Variants in TBCD observed in about 807,000 individuals in gnomAD.
TBCD encodes tubulin-specific chaperone D.
TBCD carries 105 observed loss-of-function variants against 169.3 expected under a neutral mutation model. The ratio of observed to expected loss-of-function variants is 0.62; its 90% CI spans 0.53 to 0.73. The LOEUF is 0.73. TBCD is among the 30% of genes least tolerant of loss of function. The pLI is 0.00. For synonymous variants in TBCD, 700 were observed against 643.9 expected (o/e 1.09, Z -1.32); for missense variants, 1,444 against 1,600.1 (o/e 0.90, Z 1.66).
rs1446474934 is a variant in TBCD, at chr17:82,785,907, A to AG, written c.771+4191dup. Among the ~76,000 whole-genome samples the AG allele has an allele frequency of 4.2e-5, 6 of 141,588 alleles. No homozygotes were observed. The East Asian group carries it at 1.1e-3, about 26-fold the overall frequency. 92.9% of individuals were successfully genotyped at this position (141,588 alleles called of 152,430 possible). A position where few individuals can be genotyped will look rare whatever the true frequency, so the allele number is the denominator to read the frequency against. ...ACTGGACCCGACCCATCGCAGTGGG[A>AG]GGGGGTCCATGCTGTGACTGGGACC... On this transcript the variant is annotated intron_variant, in intron 7 of 38. Coordinates refer to ENST00000355528, the MANE Select transcript of TBCD (RefSeq NM_005993.5).
chr17:82,932,153 A>G (rs939459824), intron 33 of TBCD: 5 of 216,766 alleles, frequency 2.3e-5, no homozygotes, highest in Admixed American at 1.1e-4. Flanking sequence ...TGTCTAAGAC[A>G]GCTTGCCTAA....
chr17:82,839,558 C>T (rs535433804), intron 13 of TBCD, among the ~76,000 whole-genome samples: 1 of 152,150 alleles, frequency 6.6e-6, no homozygotes, highest in Non-Finnish European at 1.5e-5. Context: ...TGTACATACA[C>T]CACACATATA....
chr17:82,908,069 C>G (rs996523325), intron 21 of TBCD, among the ~76,000 whole-genome samples: 1 of 152,240 alleles, frequency 6.6e-6, no homozygotes, highest in Admixed American at 6.5e-5. Flanking sequence ...TGAGTGCAGA[C>G]TTTCTGTGCA....
chr17:82,797,257 C>A (rs1463449536), intron 7 of TBCD, among the ~76,000 whole-genome samples: 3 of 152,104 alleles, frequency 2.0e-5, no homozygotes. Context: ...TCGTGGGGAC[C>A]GGGCTGCCAG....
chr17:82,825,987 T>C (rs77142886), intron 13 of TBCD, among the ~76,000 whole-genome samples: 2,951 of 152,340 alleles, frequency 0.019, 40 homozygotes, highest in South Asian at 0.067. Flanking sequence ...CATAGGCAAG[T>C]TTTTCTCTCA....
intron 7 of TBCD, among the ~76,000 whole-genome samples, chr17:82,793,433 T>C (rs2049887221): frequency 6.6e-6 from 1 of 152,182 alleles, no homozygotes; most frequent in South Asian, 2.1e-4. Flanking sequence ...TCCCTCGCTT[T>C]GATTTTTGCA....
chr17:82,875,389 A>G (rs971606998), intron 14 of TBCD, among the ~76,000 whole-genome samples: 1 of 152,246 alleles, frequency 6.6e-6, no homozygotes, highest in Non-Finnish European at 1.5e-5. Context: ...CCTCCTAACC[A>G]GTAATCACAG....
intron 22 of TBCD, among the ~76,000 whole-genome samples, chr17:82,911,034 C>T (rs963937489): frequency 7.2e-5 from 11 of 152,188 alleles, no homozygotes; most frequent in Non-Finnish European, 1.2e-4. Flanking sequence ...GTCAGCAGGG[C>T]GGGTGGCCCT....
At chr17:82,807,341 C>T (rs2051045566) in intron 10 of TBCD, among the ~76,000 whole-genome samples, 1 of 152,190 alleles carries the variant, frequency 6.6e-6, no homozygotes, top group Non-Finnish European at 1.5e-5. Flanking sequence ...TGTTGGCCTT[C>T]CCCTGGGGGC....
intron 13 of TBCD, among the ~76,000 whole-genome samples, chr17:82,850,758 A>G (rs1043699455): frequency 6.6e-6 from 1 of 152,198 alleles, no homozygotes; most frequent in Admixed American, 6.5e-5. Context: ...CCATCCCTGC[A>G]TTGAATTCGT....
intron 13 of TBCD, among the ~76,000 whole-genome samples, chr17:82,816,294 A>T (rs1196976752): frequency 6.6e-6 from 1 of 152,142 alleles, no homozygotes; most frequent in Non-Finnish European, 1.5e-5. Context: ...CCTTTTCATC[A>T]GCTGATGTAC....
Position 82,944,813 on chromosome 17 carries a change from G to C in TBCD, c.*2350G>C, listed in dbSNP as rs2063571457. 6.6e-6 allele frequency: 1 copy of C among 152,200 alleles called. No homozygotes were observed. Among genetic ancestry groups the C allele is most frequent in the Non-Finnish European group, 1.5e-5 (1 of 68,036 alleles). 9.4% of individuals were successfully genotyped at this position (152,200 alleles called of 1,614,324 possible). A position where few individuals can be genotyped will look rare whatever the true frequency, so the allele number is the denominator to read the frequency against. Reference sequence around the variant, plus strand: ...CCCTGGAATCTAGTCACGCTATTTTGATAGCAGAATGGATGAGAGAATTTA... The same window carrying C: ...CCCTGGAATCTAGTCACGCTATTTTCATAGCAGAATGGATGAGAGAATTTA... On this transcript the variant is annotated 3_prime_UTR_variant, in exon 39 of 39. Transcript: ENST00000355528.
intron 7 of TBCD, among the ~76,000 whole-genome samples, chr17:82,786,715 A>G (rs2049338534): frequency 6.6e-6 from 1 of 151,910 alleles, no homozygotes; most frequent in Non-Finnish European, 1.5e-5. Context: ...GGAGGGCTCC[A>G]CGGTGTCCCC....
intron 7 of TBCD, among the ~76,000 whole-genome samples, chr17:82,797,554 T>G (rs2050188491): frequency 6.6e-6 from 1 of 152,188 alleles, no homozygotes; most frequent in African/African-American, 2.4e-5. Flanking sequence ...CATCCCTATT[T>G]TCAGATGAAT....
intron 8 of TBCD, among the ~76,000 whole-genome samples, chr17:82,799,127 C>T (rs932434167): frequency 1.3e-5 from 2 of 152,190 alleles, no homozygotes; most frequent in African/African-American, 4.8e-5. Context: ...AAAAGAGAAA[C>T]TTCTTAGAGC....
chr17:82,776,834 G>A (rs2048628541), intron 6 of TBCD, among the ~76,000 whole-genome samples: 1 of 152,172 alleles, frequency 6.6e-6, no homozygotes, highest in Non-Finnish European at 1.5e-5. Flanking sequence ...GGCCGAGGCA[G>A]CCCCAGGAAC....
At chr17:82,938,224 GGT>G in intron 36 of TBCD, 88 bp downstream of exon 36, 1 of 1,427,468 alleles carries the variant, frequency 7.0e-7, no homozygotes, top group Non-Finnish European at 9.6e-7. Flanking sequence ...CTGTTGTGTT[GGT>G]GTGCTTTCCA....
intron 2 of TBCD, among the ~76,000 whole-genome samples, chr17:82,758,646 TGC>T (rs1164926447): frequency 1.0e-4 from 15 of 147,842 alleles, no homozygotes; most frequent in African/African-American, 3.8e-4. Context: ...TCCACCCTTT[TGC>T]TTTTTTTTTT....
intron 14 of TBCD, among the ~76,000 whole-genome samples, chr17:82,871,403 G>C (rs2057546944): frequency 6.6e-6 from 1 of 152,206 alleles, no homozygotes; most frequent in African/African-American, 2.4e-5. Flanking sequence ...GCGACTCAGT[G>C]TCACTGTCCG....
Sources: gnomAD v4.1 joint callset for allele counts (sites outside exome capture counted in the v4.1 genomes callset) on GRCh38, gnomAD v4.1.1 for gene constraint, MANE v1.5 for transcripts, NCBI Gene and HGNC (gene_info 2026-07-23, HGNC 2026-07-21) for gene names.